The following PARD3 variants were observed in gnomAD, a reference collection of about 807,000 sequenced individuals.
The protein encoded by PARD3 is partitioning defective 3 homolog.
PARD3 carries 75 observed loss-of-function variants against 155.4 expected under a neutral mutation model. The observed-to-expected ratio is 0.48, with a 90% CI of 0.40 to 0.58. The LOEUF (loss-of-function observed/expected upper bound fraction) is 0.58, where lower values mean the gene tolerates loss of function less well. PARD3 is among the 20% of genes least tolerant of loss of function. The pLI, the probability that PARD3 is intolerant of heterozygous loss-of-function variation, is 0.00. For missense variants in PARD3, 1,642 were observed against 1,721.7 expected (o/e 0.95, Z 0.82); for synonymous variants, 576 against 610.5 (o/e 0.94, Z 0.83).
chr10:34,364,092 G>A (rs961955032), intron 12 of PARD3, among the ~76,000 whole-genome samples: 2 of 152,096 alleles, frequency 1.3e-5, no homozygotes, highest in Non-Finnish European at 2.9e-5. Flanking sequence ...AATAGAGCTG[G>A]CCTATAGGCC....
chr10:34,246,471 T>C (rs1164860069), intron 22 of PARD3, among the ~76,000 whole-genome samples: 3 of 152,084 alleles, frequency 2.0e-5, no homozygotes, highest in Non-Finnish European at 4.4e-5. Flanking sequence ...CAAACCACAC[T>C]GCAGCCACCC....
chr10:34,510,165 G>C (rs2081318699), intron 3 of PARD3, among the ~76,000 whole-genome samples: 1 of 152,174 alleles, frequency 6.6e-6, no homozygotes, highest in Non-Finnish European at 1.5e-5. Context: ...GGAACAACCA[G>C]AGAAAGCCAA....
intron 2 of PARD3, among the ~76,000 whole-genome samples, chr10:34,581,156 A>T (rs1436739321): frequency 6.6e-6 from 1 of 152,048 alleles, no homozygotes; most frequent in Non-Finnish European, 1.5e-5. Context: ...AGCATCTTTA[A>T]ATATAAATTA....
In PARD3 at chr10:34,598,261, C is replaced by A. The variant is rs1590167415; in HGVS notation, c.223-81102G>T. The stretch of plus-strand genomic sequence containing the variant: ...ATAAAAGTGAGCCTAATAAATAACA[C>A]CTACTGAAAGGAAGAACACAAAGAC... On this transcript the variant is annotated intron_variant, in intron 2 of 24. Coordinates refer to ENST00000374788, the MANE Select transcript of PARD3 (RefSeq NM_001184785.2). Among the ~76,000 whole-genome samples, 15 of 151,588 alleles carry A rather than the reference C, an allele frequency of 9.9e-5. 1 individual carries two copies. In the South Asian group the frequency reaches 3.1e-3, roughly 32 times the overall value.
chr10:34,112,265 AG>A (rs1946424679), intron 24 of PARD3, among the ~76,000 whole-genome samples: 1 of 152,222 alleles, frequency 6.6e-6, no homozygotes. Context: ...ACCAAAGGCC[AG>A]GGTGACCTAC....
intron 7 of PARD3, among the ~76,000 whole-genome samples, chr10:34,393,069 T>C (rs868829860): frequency 2.6e-5 from 4 of 151,548 alleles, no homozygotes; most frequent in Middle Eastern, 3.4e-3. Context: ...ACTGATTATC[T>C]GACCCTTTAC....
At chr10:34,587,417 A>G (rs1456363397) in intron 2 of PARD3, among the ~76,000 whole-genome samples, 1 of 152,124 alleles carries the variant, frequency 6.6e-6, no homozygotes, top group Non-Finnish European at 1.5e-5. Context: ...TGAGTTTTAT[A>G]ATCTTGTATT....
intron 22 of PARD3, among the ~76,000 whole-genome samples, chr10:34,239,008 G>A (rs1029768034): frequency 1.3e-5 from 2 of 152,012 alleles, no homozygotes; most frequent in Non-Finnish European, 2.9e-5. Context: ...TATTTTAAAA[G>A]GAGAATAGAC....
In PARD3 at chr10:34,179,535, C is replaced by A. The variant is rs562509432; in HGVS notation, c.3420-47952G>T. ...ATTACAGAAAAATAGTCCAGAAAAT[C>A]GCTGTAACAATCCAAGATAAATAAA... On this transcript the variant is annotated intron_variant, in intron 22 of 24. Transcript: ENST00000374788. Among the ~76,000 whole-genome samples, 16 of 152,228 alleles carry A rather than the reference C, an allele frequency of 1.1e-4. No homozygotes were observed. The South Asian group carries it at 1.9e-3, about 18-fold the overall frequency.
intron 2 of PARD3, among the ~76,000 whole-genome samples, chr10:34,670,375 G>A (rs924693496): frequency 6.6e-6 from 1 of 152,240 alleles, no homozygotes; most frequent in African/African-American, 2.4e-5. Context: ...ATTTCTTACT[G>A]GGGTGAGCAC....
intron 1 of PARD3, among the ~76,000 whole-genome samples, chr10:34,742,429 G>A (rs1211989375): frequency 1.3e-5 from 2 of 152,212 alleles, no homozygotes; most frequent in African/African-American, 2.4e-5. Flanking sequence ...AGATCTCCAC[G>A]TTTGCAGTCC....
At position 34,793,211 on chromosome 10, in the gene PARD3, G is replaced by T. The variant is rs562934528; in HGVS notation, c.120+21665C>A. 4.6e-5 allele frequency among the ~76,000 whole-genome samples: 7 copies of T among 152,308 alleles called. No homozygotes were observed. In the East Asian group the frequency reaches 5.8e-4, roughly 13 times the overall value. On this transcript the variant is annotated intron_variant, in intron 1 of 24. Coordinates refer to ENST00000374788, the MANE Select transcript of PARD3 (RefSeq NM_001184785.2). ...CTGGCAGCAGTGCAGATGAAAAAAT[G>T]GGAGAGCCAAGAGGAGAGGGAAAAG...
chr10:34,798,901 C>T (rs1842579156), intron 1 of PARD3, among the ~76,000 whole-genome samples: 1 of 151,884 alleles, frequency 6.6e-6, no homozygotes, highest in African/African-American at 2.4e-5. Flanking sequence ...AGGAGTCCTC[C>T]AACCCGGCTG....
At chr10:34,715,355 A>G (rs2094504677) in intron 1 of PARD3, among the ~76,000 whole-genome samples, 1 of 152,048 alleles carries the variant, frequency 6.6e-6, no homozygotes, top group African/African-American at 2.4e-5. Flanking sequence ...TGAGGACTGC[A>G]CCCGGCCCTG....
At chr10:34,665,575 C>T (rs2093431360) in intron 2 of PARD3, among the ~76,000 whole-genome samples, 1 of 151,912 alleles carries the variant, frequency 6.6e-6, no homozygotes, top group Non-Finnish European at 1.5e-5. Context: ...GCACGGTGCT[C>T]ACACCTGTAA....
At chr10:34,314,685 C>T (rs746930344) in intron 20 of PARD3, among the ~76,000 whole-genome samples, 3 of 152,282 alleles carry the variant, frequency 2.0e-5, no homozygotes, top group Middle Eastern at 3.4e-3. Flanking sequence ...TCACTAAACA[C>T]GGGGCCGGGA....
intron 3 of PARD3, among the ~76,000 whole-genome samples, chr10:34,482,610 T>G (rs2079156220): frequency 6.6e-6 from 1 of 150,824 alleles, no homozygotes; most frequent in African/African-American, 2.5e-5. Flanking sequence ...GAAGCCCAGA[T>G]GAAAATAACT....
chr10:34,399,501 C>T, intron 6 of PARD3, 88 bp from the exon 7 acceptor site: 3 of 808,360 alleles, frequency 3.7e-6, no homozygotes, highest in South Asian at 1.4e-5. Context: ...ACTGCAACAA[C>T]ACAGACACAC....
Position 34,711,353 on chromosome 10 carries a change from C to T in PARD3, c.121-14934G>A, listed in dbSNP as rs138666591. On this transcript the variant is annotated intron_variant, in intron 1 of 24. Transcript: ENST00000374788. Reference sequence around the variant, plus strand: ...TGGCCAACATGGTGAAACCCCACCTCTACTAAAAATACAAAAAGCTAGCTG... The same window carrying T: ...TGGCCAACATGGTGAAACCCCACCTTTACTAAAAATACAAAAAGCTAGCTG... Among the ~76,000 whole-genome samples, 1,499 of 152,178 alleles carry T rather than the reference C, an allele frequency of 9.9e-3. 30 individuals carry two copies. The highest frequency in any genetic ancestry group is 0.034 in the African/African-American group (1,418 of 41,512).
Sources: gnomAD v4.1 joint callset for allele counts (sites outside exome capture counted in the v4.1 genomes callset) on GRCh38, gnomAD v4.1.1 for gene constraint, MANE v1.5 for transcripts, NCBI Gene and HGNC (gene_info 2026-07-23, HGNC 2026-07-21) for gene names.